Variants in BRCA1 observed in about 807,000 individuals in gnomAD.
The protein encoded by BRCA1 is breast cancer type 1 susceptibility protein.
Under a neutral mutation model 173.7 loss-of-function variants are expected in BRCA1, and 140 were observed. That is an observed-to-expected ratio of 0.81 (90% CI 0.70 to 0.93). BRCA1 has a LOEUF of 0.93. BRCA1 is among the 40% of genes least tolerant of loss of function. BRCA1 has a pLI of 0.00. For synonymous variants in BRCA1, 662 were observed against 756.0 expected, an observed-to-expected ratio of 0.88 and a Z score of 2.04; for missense variants, 1,983 against 2,172.5, an observed-to-expected ratio of 0.91 and a Z score of 1.73.
At chr17:43,119,349 C>G in intron 2 of BRCA1, 1 of 222,148 alleles carries the variant, frequency 4.5e-6, no homozygotes, top group Non-Finnish European at 9.0e-6. Flanking sequence ...TGTAATACAA[C>G]TCTTGTAATC....
intron 14 of BRCA1, among the ~76,000 whole-genome samples, chr17:43,073,513 G>A (rs1331597543): frequency 6.6e-6 from 1 of 151,838 alleles, no homozygotes; most frequent in Non-Finnish European, 1.5e-5. Flanking sequence ...TTATGATAAC[G>A]TGTTTTTGAG....
intron 7 of BRCA1, 112 bp from the exon 8 acceptor site, chr17:43,097,401 T>C: frequency 1.1e-6 from 1 of 938,346 alleles, no homozygotes; most frequent in Non-Finnish European, 1.7e-6. Flanking sequence ...TTACTGAGCA[T>C]CTACTGTGGC....
chr17:43,106,773 CT>C (rs1407528358), intron 3 of BRCA1, among the ~76,000 whole-genome samples: 1 of 152,170 alleles, frequency 6.6e-6, no homozygotes, highest in African/African-American at 2.4e-5. Flanking sequence ...ATATGGCTTA[CT>C]GTTATGATCA....
intron 1 of BRCA1, among the ~76,000 whole-genome samples, chr17:43,149,114 C>A (rs977763275): frequency 5.3e-5 from 8 of 151,492 alleles, no homozygotes; most frequent in Admixed American, 5.3e-4. Flanking sequence ...TTTTTTCCCC[C>A]CCGAGACAGA....
intron 6 of BRCA1, among the ~76,000 whole-genome samples, chr17:43,102,195 C>T (rs1415805378): frequency 6.6e-6 from 1 of 151,470 alleles, no homozygotes; most frequent in Non-Finnish European, 1.5e-5. Context: ...CTCAGCCTCC[C>T]GAGTAGCTGG....
At position 43,098,877 on chromosome 17, in the gene BRCA1, G is replaced by C. The variant is rs143460481; in HGVS notation, c.547+898C>G. Among the ~76,000 whole-genome samples the C allele has an allele frequency of 0.014, 2,028 of 149,478 alleles. 49 individuals are homozygous for C. The highest frequency in any genetic ancestry group is 0.047 in the African/African-American group (1,898 of 40,388). On this transcript the variant is annotated intron_variant, in intron 7 of 22. Coordinates refer to ENST00000357654, the MANE Select transcript of BRCA1 (RefSeq NM_007294.4). ...TTGTTGCCTAGGCTGGAGTGCAATG[G>C]TGCGATCTTGGCTCACTGCAACCTC...
intron 1 of BRCA1, among the ~76,000 whole-genome samples, chr17:43,136,120 C>T (rs935747136): frequency 3.3e-5 from 5 of 152,134 alleles, no homozygotes; most frequent in Admixed American, 6.6e-5. Context: ...AAGTGAGGCC[C>T]GTCTCTAACA....
chr17:43,156,327 G>T (rs2056197101), intron 1 of BRCA1, among the ~76,000 whole-genome samples: 1 of 152,116 alleles, frequency 6.6e-6, no homozygotes, highest in Admixed American at 6.5e-5. Flanking sequence ...TGTAATCATG[G>T]TGTTTCTGAC....
intron 15 of BRCA1, among the ~76,000 whole-genome samples, chr17:43,068,657 T>A (rs1567773202): frequency 6.6e-6 from 1 of 152,182 alleles, no homozygotes; most frequent in East Asian, 1.9e-4. Context: ...GACACTCTAC[T>A]GTACTATAAA....
Position 43,125,311 on chromosome 17 carries a change from G to T in BRCA1, c.-60C>A. On this transcript the variant is annotated 5_prime_UTR_variant, in exon 1 of 23. Transcript: ENST00000357654. Reference sequence around the variant, plus strand: ...AGGGTGAAGGCCTCCTGAGCGCAGGGGCCCAGTTATCTGAGAAACCCCACA... The same window carrying T: ...AGGGTGAAGGCCTCCTGAGCGCAGGTGCCCAGTTATCTGAGAAACCCCACA... The T allele has an allele frequency of 2.2e-6, 1 of 456,060 alleles. No homozygotes were observed. The highest frequency in any genetic ancestry group is 1.5e-5 in the South Asian group (1 of 64,544). The allele number at this position is 456,060 out of a possible 1,614,324, so 28.3% of individuals were successfully genotyped here.
At chr17:43,164,296 T>C (rs1446315869) in intron 1 of BRCA1, 2 of 152,204 alleles carry the variant, frequency 1.3e-5, no homozygotes, top group East Asian at 3.9e-4. Flanking sequence ...AAACTCTACA[T>C]CAGGGGACAA....
At chr17:43,082,273 G>A (rs1273733282) in intron 12 of BRCA1, 131 bp downstream of exon 12, 1 of 1,034,808 alleles carries the variant, frequency 9.7e-7, no homozygotes, top group Non-Finnish European at 1.4e-6. Context: ...CAAGAACCAA[G>A]GCTCCATAAT....
chr17:43,146,938 G>A (rs964478747), intron 1 of BRCA1, among the ~76,000 whole-genome samples: 2 of 151,826 alleles, frequency 1.3e-5, no homozygotes, highest in African/African-American at 4.8e-5. Context: ...TGAGGGCCCC[G>A]TCGTTTACCC....
At chr17:43,082,616 T>G in intron 11 of BRCA1, 41 bp from the exon 12 acceptor site, 2 of 1,599,050 alleles carry the variant, frequency 1.3e-6, no homozygotes, top group Non-Finnish European at 1.7e-6. Flanking sequence ...TGAAATACTT[T>G]GAGAAGCTTT....
chr17:43,088,678 G>T (rs1290898066), intron 11 of BRCA1, among the ~76,000 whole-genome samples: 3 of 152,184 alleles, frequency 2.0e-5, no homozygotes, highest in Admixed American at 6.5e-5. Flanking sequence ...CTTACTAGCA[G>T]CTAAAAGGGT....
At chr17:43,054,420 C>G (rs2051374510) in intron 19 of BRCA1, among the ~76,000 whole-genome samples, 1 of 152,132 alleles carries the variant, frequency 6.6e-6, no homozygotes, top group Admixed American at 6.5e-5. Flanking sequence ...TATAAAGGGA[C>G]AGAAAGTGCT....
intron 14 of BRCA1, 45 bp downstream of exon 14, chr17:43,074,286 A>T (rs2153985097): frequency 6.2e-7 from 1 of 1,603,042 alleles, no homozygotes; most frequent in Non-Finnish European, 8.5e-7. Flanking sequence ...TAGGATTCAG[A>T]GTAAAATCAA....
chr17:43,115,732 A>G lies in BRCA1; in HGVS notation c.128T>C (p.Phe43Ser), dbSNP rs1298544053. 6.2e-7 allele frequency: 1 copy of G among 1,613,574 alleles called. No individual in the cohort carries two copies. Among genetic ancestry groups the G allele is most frequent in the African/African-American group, 1.3e-5 (1 of 75,020 alleles). ...ATAACACATTCAAACTTACTTGCAA[A>G]ATATGTGGTCACACTTTGTGGAGAC... ...EPVSTKCDHI[F>S]CKFCMLKLLN... is the part of the protein sequence containing the mutation. The change falls in exon 3 of 23, where the codon TTT becomes TCT. Residue 43 changes from phenylalanine to serine, a missense_variant. Phe to Ser is a radical substitution (Grantham distance 155). Coordinates refer to ENST00000357654, the MANE Select transcript of BRCA1 (RefSeq NM_007294.4).
At chr17:43,168,605 C>T (rs1330668016) in intron 1 of BRCA1, among the ~76,000 whole-genome samples, 3 of 152,212 alleles carry the variant, frequency 2.0e-5, no homozygotes, top group Non-Finnish European at 4.4e-5. Flanking sequence ...CGCCATTACA[C>T]TCCAGCCTGG....
Sources: gnomAD v4.1 joint callset for allele counts (sites outside exome capture counted in the v4.1 genomes callset) on GRCh38, gnomAD v4.1.1 for gene constraint, MANE v1.5 for transcripts, NCBI Gene and HGNC (gene_info 2026-07-23, HGNC 2026-07-21) for gene names.